The following HEATR9 variants were observed in gnomAD, a reference collection of about 807,000 sequenced individuals.
HEATR9 encodes protein HEATR9.
A neutral mutation model predicts 68.2 loss-of-function variants in HEATR9; 54 were observed. The observed-to-expected ratio is 0.79, with a 90% CI of 0.64 to 0.99. The LOEUF is 0.99. Among genes scored for constraint, HEATR9 ranks in the 50% least tolerant of loss-of-function variants. The pLI is 0.00. For synonymous variants in HEATR9, 241 were observed against 253.5 expected, an observed-to-expected ratio of 0.95 and a Z score of 0.47; for missense variants, 662 against 679.7, an observed-to-expected ratio of 0.97 and a Z score of 0.29.
At chr17:35,856,350 T>C in intron 12 of HEATR9, 126 bp from the exon 13 acceptor site, 1 of 1,600,976 alleles carries the variant, frequency 6.2e-7, no homozygotes, top group Non-Finnish European at 8.5e-7. Flanking sequence ...CATTTCCTTC[T>C]CTTGTTTCTT....
At position 35,856,715 on chromosome 17, in the gene HEATR9, G is replaced by T; in HGVS notation, c.1226+17C>A. The T allele has an allele frequency of 6.3e-7, 1 of 1,591,050 alleles. No homozygotes were observed. Among genetic ancestry groups the T allele is most frequent in the Non-Finnish European group, 8.6e-7 (1 of 1,167,998 alleles). On this transcript the variant is annotated intron_variant, in intron 12 of 14. Transcript: ENST00000604834. The stretch of plus-strand genomic sequence containing the variant: ...CACAGCCTAGGATTTGGCCCTGGCA[G>T]CTCCCAGGCCACTCACGCCTCCACC...
chr17:35,859,060 ACTTGAGTC>A lies in HEATR9; in HGVS notation c.759_766del (p.Arg253SerfsTer4). ...AGGCACCAGCTTGCCCTCATCCCCG[ACTTGAGTC>A]CTCTGTGAGGGAGACAAAATGGCTA... On this transcript the variant is annotated frameshift_variant and splice_region_variant, in exon 9 of 15. Coordinates refer to ENST00000604834, the MANE Select transcript of HEATR9 (RefSeq NM_152781.4). LOFTEE classifies it high-confidence loss of function. 1.2e-6 allele frequency: 2 copies of A among 1,614,034 alleles called. No individual in the cohort carries two copies. The highest frequency in any genetic ancestry group is 1.7e-6 in the Non-Finnish European group (2 of 1,179,964).
intron 1 of HEATR9, 114 bp from the exon 2 acceptor site, chr17:35,866,887 C>A (rs1272115519): frequency 1.0e-6 from 1 of 967,894 alleles, no homozygotes. Context: ...GCAGGCAGAT[C>A]ACCTGAGGTC....
intron 7 of HEATR9, 152 bp from the exon 8 acceptor site, chr17:35,863,277 G>A: frequency 8.9e-7 from 1 of 1,119,948 alleles, no homozygotes; most frequent in Non-Finnish European, 1.3e-6. Flanking sequence ...AGGGCAGCTG[G>A]CTGAATGTGA....
At chr17:35,868,506 C>A (rs374819709) in intron 1 of HEATR9, 149 bp downstream of exon 1, 2 of 1,414,934 alleles carry the variant, frequency 1.4e-6, no homozygotes, top group Non-Finnish European at 1.9e-6. Context: ...GAGGACTGTG[C>A]AGAGCCATCA....
intron 6 of HEATR9, chr17:35,864,028 G>A (rs1208458808): frequency 5.1e-6 from 3 of 582,852 alleles, no homozygotes; most frequent in Non-Finnish European, 6.1e-6. Context: ...GGTTAGACCA[G>A]GGAGATCTTC....
rs113564314 is a variant in HEATR9 at position 35,855,214 on chromosome 17, A to G, written c.1562T>C (p.Ile521Thr). Residue 521 changes from isoleucine (I) to threonine (T), a missense_variant, in exon 15 of 15, where the codon ATT becomes ACT. Coordinates refer to ENST00000604834, the MANE Select transcript of HEATR9 (RefSeq NM_152781.4). ...FRLAKLNPLF[I>T]AKSITKVGQK... ...GCCTACTTTGGTGATGGACTTTGCA[A>G]TAAACAAGGGGTTCAGCTTTGCAAG... is the stretch of plus-strand genomic sequence containing the variant. The G allele has an allele frequency of 2.6e-5, 42 of 1,614,066 alleles. No homozygotes were observed. The highest frequency in any genetic ancestry group is 1.9e-4 in the African/African-American group (14 of 74,922).
intron 4 of HEATR9, 58 bp from the exon 5 acceptor site, chr17:35,864,611 C>T: frequency 6.3e-7 from 1 of 1,591,820 alleles, no homozygotes; most frequent in Non-Finnish European, 8.6e-7. Context: ...GAATTTCAAA[C>T]TAAAGGGAGC....
At chr17:35,858,169 C>G (rs2087843372) in intron 11 of HEATR9, 31 bp downstream of exon 11, 4 of 1,613,814 alleles carry the variant, frequency 2.5e-6, no homozygotes, top group Non-Finnish European at 3.4e-6. Context: ...GTTTGGGTGT[C>G]TCTGGGCTTG....
In HEATR9 at chr17:35,858,536, G is replaced by T. The variant is rs780579350; in HGVS notation, c.940-11C>A. 3.8e-5 allele frequency: 61 copies of T among 1,588,896 alleles called. No homozygotes were observed. Among genetic ancestry groups the T allele is most frequent in the Non-Finnish European group, 4.9e-5 (57 of 1,162,796 alleles). ...CAGCATCCTAAGTGCCTATGAGGGG[G>T]CAGGGTAGGGCAGGGTGTACAGGGC... is the stretch of plus-strand genomic sequence containing the variant. On this transcript the variant is annotated splice_polypyrimidine_tract_variant and intron_variant, in intron 9 of 14. Coordinates refer to ENST00000604834, the MANE Select transcript of HEATR9 (RefSeq NM_152781.4).
Position 35,863,022 on chromosome 17 carries a change from G to A in HEATR9, c.729C>T (p.Asn243=), listed in dbSNP as rs201513518. ...ETLTGLRMAL[N]SWAAVSKDKR... ...TGTCTTTAGAGACAGCAGCCCAGGA[G>A]TTAAGAGCCATTCGTAGCCCCGTCA... Residue 243 remains asparagine (N), a synonymous_variant, in exon 8 of 15, where the codon AAC becomes AAT. Coordinates refer to ENST00000604834, the MANE Select transcript of HEATR9 (RefSeq NM_152781.4). 3 of 1,614,188 alleles carry A rather than the reference G, an allele frequency of 1.9e-6. No homozygotes were observed. The highest frequency in any genetic ancestry group is 2.5e-6 in the Non-Finnish European group (3 of 1,180,038).
At chr17:35,861,643 T>C (rs2087996217) in intron 8 of HEATR9, 16 of 590,780 alleles carry the variant, frequency 2.7e-5, no homozygotes, top group South Asian at 1.6e-4. Flanking sequence ...TCCTTCTGCC[T>C]GGAATGTCTT....
intron 8 of HEATR9, chr17:35,861,332 T>C: frequency 8.2e-6 from 12 of 1,455,184 alleles, no homozygotes; most frequent in Non-Finnish European, 1.2e-5. Flanking sequence ...TAGTATTTGA[T>C]AGGTTCATTT....
Position 35,856,770 on chromosome 17 carries a change from C to T in HEATR9, c.1188G>A (p.Glu396=), listed in dbSNP as rs751019761. ...TCATCATCGTAGGCTTCAACTTGAG[C>T]TCTTCCACAGTTTGAGCCACAGCCT... is the stretch of plus-strand genomic sequence containing the variant. The part of the protein sequence containing the change: ...VRQAVAQTVE[E]LKLKPTMMNL... The change falls in exon 12 of 15, where the codon GAG becomes GAA. Residue 396 remains glutamate, a synonymous_variant. Coordinates refer to ENST00000604834, the MANE Select transcript of HEATR9 (RefSeq NM_152781.4). 17 of 1,606,632 alleles carry T rather than the reference C, an allele frequency of 1.1e-5. No individual in the cohort carries two copies. In the Admixed American group the frequency reaches 2.5e-4, roughly 24 times the overall value.
At chr17:35,858,769 G>T in intron 9 of HEATR9, 119 bp downstream of exon 9, 1 of 1,151,656 alleles carries the variant, frequency 8.7e-7, no homozygotes, top group Non-Finnish European at 1.3e-6. Flanking sequence ...CATGGACATA[G>T]TCATAAGCAC....
At position 35,856,454 on chromosome 17, in the gene HEATR9, T is replaced by G. The variant is rs1019967938; in HGVS notation, c.1227-230A>C. ...CAGGACTGTCCAGAAATTTTATCTTTTTAAAAAAAGTTCTTTTCATGTCAT... is the reference window on the plus strand; with the variant it reads ...CAGGACTGTCCAGAAATTTTATCTTGTTAAAAAAAGTTCTTTTCATGTCAT... On this transcript the variant is annotated intron_variant, in intron 12 of 14. Transcript: ENST00000604834. 1.7e-5 allele frequency: 21 copies of G among 1,268,258 alleles called. No individual in the cohort carries two copies. The Admixed American group carries it at 3.8e-4, about 23-fold the overall frequency. The allele number at this position is 1,268,258 out of a possible 1,614,324, so 78.6% of individuals were successfully genotyped here. A position where few individuals can be genotyped will look rare whatever the true frequency, so the allele number is the denominator to read the frequency against.
rs189222347 is a variant in HEATR9 at position 35,855,044 on chromosome 17, G to T, written c.*19C>A. ...GCATCTTCAGGGAGGGAGTCGGGGAGTAGGCCCAAAGAATTGACTTATTTG... is the reference window on the plus strand; with the variant it reads ...GCATCTTCAGGGAGGGAGTCGGGGATTAGGCCCAAAGAATTGACTTATTTG... On this transcript the variant is annotated 3_prime_UTR_variant, in exon 15 of 15. Transcript: ENST00000604834. The T allele has an allele frequency of 2.5e-6, 4 of 1,595,820 alleles. No individual in the cohort carries two copies. In the African/African-American group the frequency reaches 5.4e-5, roughly 21 times the overall value.
At chr17:35,865,030 C>CCAGAGCCGAG in intron 3 of HEATR9, 140 bp from the exon 4 acceptor site, 1 of 1,365,284 alleles carries the variant, frequency 7.3e-7, no homozygotes, top group Admixed American at 1.8e-5. Flanking sequence ...GTGATATCCA[C>CCAGAGCCGAG]CAGAGCCGAG....
chr17:35,864,630 T>G, intron 4 of HEATR9, 77 bp from the exon 5 acceptor site: 1 of 1,587,934 alleles, frequency 6.3e-7, no homozygotes, highest in Non-Finnish European at 8.6e-7. Flanking sequence ...GCTCATCCAA[T>G]CCAATCCCTT....
Sources: allele counts gnomAD v4.1 joint callset, GRCh38; gene constraint gnomAD v4.1.1; transcripts MANE v1.5; gene names NCBI Gene and HGNC (gene_info 2026-07-23, HGNC 2026-07-21).